Variants in TTLL5 observed in about 807,000 individuals in gnomAD.
TTLL5 encodes the protein tubulin tyrosine ligase like 5.
A neutral mutation model predicts 168.4 loss-of-function variants in TTLL5; 132 were observed. That is an observed-to-expected ratio of 0.78 (90% CI 0.68 to 0.91). The LOEUF is 0.91. TTLL5 is among the 40% of genes least tolerant of loss of function. The pLI is 0.00. For synonymous variants in TTLL5, 546 were observed against 558.6 expected (o/e 0.98, Z 0.32); for missense variants, 1,545 against 1,581.5 (o/e 0.98, Z 0.39).
chr14:75,948,400 G>A (rs1403256894), intron 31 of TTLL5, among the ~76,000 whole-genome samples: 1 of 152,060 alleles, frequency 6.6e-6, no homozygotes, highest in Non-Finnish European at 1.5e-5. Flanking sequence ...CAGGAGAATG[G>A]CTTGAAACTG....
intron 12 of TTLL5, among the ~76,000 whole-genome samples, chr14:75,724,154 T>C (rs534532471): frequency 6.6e-6 from 1 of 152,182 alleles, no homozygotes; most frequent in Admixed American, 6.5e-5. Context: ...TTTTGGTGGT[T>C]GTTCCTGTCC....
chr14:75,918,144 G>C (rs1377275061), intron 31 of TTLL5, among the ~76,000 whole-genome samples: 3 of 152,162 alleles, frequency 2.0e-5, no homozygotes, highest in African/African-American at 7.2e-5. Flanking sequence ...AGGTCAATCT[G>C]TCCCCCTTTC....
At position 75,895,635 on chromosome 14, in the gene TTLL5, C is replaced by T. The variant is rs112398082; in HGVS notation, c.3741-6507C>T. Among the ~76,000 whole-genome samples, 1,399 of 152,056 alleles carry T rather than the reference C, an allele frequency of 9.2e-3. 27 individuals carry two copies. Among genetic ancestry groups the T allele is most frequent in the African/African-American group, 0.032 (1,341 of 41,478 alleles). Reference sequence around the variant, plus strand: ...ATAAAATATTTTAAACTGTATGGCTCTAAAAGTACTACACATCAGATTTGT... The same window carrying T: ...ATAAAATATTTTAAACTGTATGGCTTTAAAAGTACTACACATCAGATTTGT... On this transcript the variant is annotated intron_variant, in intron 30 of 31. Transcript: ENST00000298832.
chr14:75,770,096 T>G (rs886271670), intron 20 of TTLL5, among the ~76,000 whole-genome samples: 2 of 139,842 alleles, frequency 1.4e-5, no homozygotes, highest in African/African-American at 5.4e-5. Context: ...GAGAATCGCT[T>G]GAACCTGGGA....
chr14:75,925,176 C>T lies in TTLL5; in HGVS notation c.3823+22952C>T, dbSNP rs1283379624. Among the ~76,000 whole-genome samples, 106 of 139,016 alleles carry T rather than the reference C, an allele frequency of 7.6e-4. 1 individual carries two copies. The highest frequency in any genetic ancestry group is 4.4e-3 in the Middle Eastern group (1 of 226). The allele number at this position is 139,016 out of a possible 152,430, so 91.2% of individuals were successfully genotyped here. A position where few individuals can be genotyped will look rare whatever the true frequency, so the allele number is the denominator to read the frequency against. On this transcript the variant is annotated intron_variant, in intron 31 of 31. Transcript: ENST00000298832. ...CTCCCTCCCGGACGGGGCGGCTGGC[C>T]TGGCGGGGGCTGACCCCCCCACCTC...
intron 5 of TTLL5, among the ~76,000 whole-genome samples, chr14:75,687,952 A>C (rs1384580854): frequency 1.3e-5 from 2 of 152,226 alleles, no homozygotes; most frequent in Non-Finnish European, 2.9e-5. Context: ...GCCAGGATGC[A>C]TGGCAACTGG....
intron 27 of TTLL5, among the ~76,000 whole-genome samples, chr14:75,807,197 C>CTTTGGG (rs1893707920): frequency 1.3e-5 from 2 of 152,098 alleles, no homozygotes; most frequent in African/African-American, 4.8e-5. Flanking sequence ...CCTATAATCC[C>CTTTGGG]AGCACTTTGG....
intron 18 of TTLL5, among the ~76,000 whole-genome samples, chr14:75,754,785 T>C (rs1286675640): frequency 6.6e-6 from 1 of 152,162 alleles, no homozygotes; most frequent in Non-Finnish European, 1.5e-5. Context: ...ATTATTTCTT[T>C]TGGTAATGAA....
chr14:75,882,829 G>A lies in TTLL5; in HGVS notation c.3667G>A (p.Ala1223Thr), dbSNP rs10130991. Residue 1223 changes from alanine (A) to threonine (T), a missense_variant, in exon 30 of 32, where the codon GCC becomes ACC. Coordinates refer to ENST00000298832, the MANE Select transcript of TTLL5 (RefSeq NM_015072.5). Reference protein sequence around the residue: ...QKVVPPPSSCASLVPKPPPNH... With the variant: ...QKVVPPPSSCTSLVPKPPPNH... ...AGTGGTACCACCTCCAAGTTCTTGC[G>A]CCTCCCTGGTTCCCAAACCCCCACC... 29 of 1,613,914 alleles carry A rather than the reference G, an allele frequency of 1.8e-5. No homozygotes were observed. The highest frequency in any genetic ancestry group is 7.7e-5 in the South Asian group (7 of 91,076).
chr14:75,793,709 A>G (rs563893850), intron 27 of TTLL5, among the ~76,000 whole-genome samples: 1 of 152,312 alleles, frequency 6.6e-6, no homozygotes, highest in East Asian at 1.9e-4. Context: ...AGATATTAAC[A>G]ATCTTGCAAC....
chr14:75,769,827 G>T (rs1226112469), intron 20 of TTLL5, among the ~76,000 whole-genome samples: 2 of 152,130 alleles, frequency 1.3e-5, no homozygotes, highest in Non-Finnish European at 2.9e-5. Flanking sequence ...AGGGTAAAGT[G>T]ATATATGCTC....
intron 28 of TTLL5, among the ~76,000 whole-genome samples, chr14:75,855,150 G>GAAAAAAAAAAA (rs55874311): frequency 7.7e-6 from 1 of 130,498 alleles, no homozygotes. Context: ...TATGCTAGAA[G>GAAAAAAAAAAA]AAAAAAAAAA....
At chr14:75,706,432 A>G (rs1463878631) in intron 7 of TTLL5, among the ~76,000 whole-genome samples, 1 of 152,206 alleles carries the variant, frequency 6.6e-6, no homozygotes. Flanking sequence ...TTTATTGTAT[A>G]AACAACTGTT....
At position 75,793,009 on chromosome 14, in the gene TTLL5, G is replaced by A; in HGVS notation, c.3080G>A (p.Ser1027Asn). 4 of 1,613,870 alleles carry A rather than the reference G, an allele frequency of 2.5e-6. No homozygotes were observed. Among genetic ancestry groups the A allele is most frequent in the African/African-American group, 1.3e-5 (1 of 75,044 alleles). ...TTATATAGCAAACGGTACAACCAAA[G>A]TATGGTTACAGCTGAACTTCAGCGG... The part of the protein sequence containing the change: ...ASLYSKRYNQ[S>N]MVTAELQRLA... Residue 1027 changes from serine (S) to asparagine (N), a missense_variant, in exon 27 of 32, where the codon AGT becomes AAT. By Grantham distance (46) the Ser-to-Asn change is conservative (BLOSUM62 1). Coordinates refer to ENST00000298832, the MANE Select transcript of TTLL5 (RefSeq NM_015072.5).
intron 21 of TTLL5, 45 bp downstream of exon 21, chr14:75,771,899 T>C: frequency 6.4e-7 from 1 of 1,555,856 alleles, no homozygotes; most frequent in South Asian, 1.2e-5. Context: ...CCTTTTTCTT[T>C]CTTCTTTCTG....
chr14:75,927,986 A>G (rs1224564791), intron 31 of TTLL5, among the ~76,000 whole-genome samples: 1 of 151,874 alleles, frequency 6.6e-6, no homozygotes, highest in Non-Finnish European at 1.5e-5. Flanking sequence ...CCCACTTGTG[A>G]TGTGATTGAA....
intron 29 of TTLL5, among the ~76,000 whole-genome samples, chr14:75,872,770 G>A (rs919199663): frequency 6.6e-6 from 1 of 151,884 alleles, no homozygotes; most frequent in African/African-American, 2.4e-5. Flanking sequence ...AATTAGCTGT[G>A]CGTGGTTGCG....
intron 31 of TTLL5, among the ~76,000 whole-genome samples, chr14:75,951,151 C>T (rs989094171): frequency 2.0e-5 from 3 of 151,558 alleles, no homozygotes; most frequent in African/African-American, 7.3e-5. Flanking sequence ...TTAGACCAGG[C>T]TGGGCAATAT....
intron 12 of TTLL5, 125 bp downstream of exon 12, chr14:75,720,828 T>G: frequency 1.3e-6 from 1 of 779,392 alleles, no homozygotes. Flanking sequence ...CTCTTCTTTC[T>G]AAGCTCATGT....
Sources: allele counts gnomAD v4.1 joint callset (sites outside exome capture counted in the v4.1 genomes callset), GRCh38; gene constraint gnomAD v4.1.1; transcripts MANE v1.5; gene names NCBI Gene and HGNC (gene_info 2026-07-23, HGNC 2026-07-21).